Variants in CEP350 observed in about 807,000 individuals in gnomAD.
CEP350 encodes the protein centrosomal protein 350.
CEP350 carries 126 observed loss-of-function variants against 331.8 expected under a neutral mutation model. The ratio of observed to expected loss-of-function variants is 0.38; its 90% CI spans 0.33 to 0.44. The LOEUF (loss-of-function observed/expected upper bound fraction) is 0.44. CEP350 is among the 20% of genes least tolerant of loss of function. The pLI is 1.00. For missense variants in CEP350, 3,406 were observed against 3,634.6 expected, an observed-to-expected ratio of 0.94 and a Z score of 1.62; for synonymous variants, 1,200 against 1,259.5, an observed-to-expected ratio of 0.95 and a Z score of 1.00.
chr1:180,062,255 A>C lies in CEP350; in HGVS notation c.5298A>C (p.Ala1766=). ...AACGTCTTCAAGAAGCCAATAAGGC[A>C]GCTCGGAAGGAAAGACAGCTGATTC... ...EIKRLQEANK[A]ARKERQLILK... is the part of the protein sequence containing the mutation. The change falls in exon 26 of 38, where the codon GCA becomes GCC. Residue 1766 remains alanine (A), a synonymous_variant. Coordinates refer to ENST00000367607, the MANE Select transcript of CEP350 (RefSeq NM_014810.5). 3 of 1,610,442 alleles carry C rather than the reference A, an allele frequency of 1.9e-6. No individual in the cohort carries two copies. Among genetic ancestry groups the C allele is most frequent in the Non-Finnish European group, 2.5e-6 (3 of 1,178,112 alleles).
chr1:180,022,927 G>A (rs1655424299), intron 13 of CEP350, 79 bp downstream of exon 13: 21 of 1,366,804 alleles, frequency 1.5e-5, no homozygotes, highest in Non-Finnish European at 2.0e-5. Context: ...CTGAATATTA[G>A]CCAAGTTTTG....
intron 15 of CEP350, 133 bp from the exon 16 acceptor site, chr1:180,033,729 G>A: frequency 1.2e-6 from 1 of 849,296 alleles, no homozygotes; most frequent in Non-Finnish European, 1.8e-6. Flanking sequence ...TTATATTAAT[G>A]AATAAATGCC....
intron 17 of CEP350, among the ~76,000 whole-genome samples, chr1:180,037,411 G>GGTTTTTTTTTTTT (rs1444222858): frequency 4.3e-5 from 6 of 139,788 alleles, no homozygotes; most frequent in Non-Finnish European, 3.1e-5. Context: ...AATACTGAGG[G>GGTTTTTTTTTTTT]TTTTTTTTTT....
rs544172527 is a variant in CEP350, at chr1:180,094,717, A to T, written c.8511+101A>T. 5 of 1,290,344 alleles carry T rather than the reference A, an allele frequency of 3.9e-6. No individual in the cohort carries two copies. In the African/African-American group the frequency reaches 6.0e-5, roughly 15 times the overall value. The allele number at this position is 1,290,344 out of a possible 1,614,324, so 79.9% of individuals were successfully genotyped here. On this transcript the variant is annotated intron_variant, in intron 34 of 37. Coordinates refer to ENST00000367607, the MANE Select transcript of CEP350 (RefSeq NM_014810.5). ...GTACATTTTAATTCTGTGACTCCTG[A>T]TAGGTTTTTTTTCCCTTGACGTGTT...
At chr1:179,978,252 T>TA (rs892456574) in intron 1 of CEP350, among the ~76,000 whole-genome samples, 8 of 151,584 alleles carry the variant, frequency 5.3e-5, no homozygotes, top group East Asian at 1.9e-4. Flanking sequence ...TCTTTTAAAT[T>TA]AAAAAAAAAT....
At chr1:180,012,493 C>G (rs967634857) in intron 9 of CEP350, among the ~76,000 whole-genome samples, 6 of 152,062 alleles carry the variant, frequency 3.9e-5, no homozygotes. Context: ...TGATTTTTCC[C>G]AAGGGTTATG....
rs1656771705 is a variant in CEP350, at chr1:180,041,740, A to G, written c.4300A>G (p.Ile1434Val). Residue 1434 changes from isoleucine (I) to valine (V), a missense_variant, in exon 19 of 38, where the codon ATA becomes GTA. Ile to Val is a conservative substitution (Grantham distance 29, BLOSUM62 3). Transcript: ENST00000367607. The stretch of plus-strand genomic sequence containing the variant: ...AGTCCTGCAGGAAGCAACGTGTAAA[A>G]TAGCAGCTCAGCAGTCAGAAACTGC... ...TEVLQEATCKIAAQQSETARL... is the reference protein window; with the variant it reads ...TEVLQEATCKVAAQQSETARL... The G allele has an allele frequency of 6.2e-7, 1 of 1,613,406 alleles. No individual in the cohort carries two copies. The highest frequency in any genetic ancestry group is 1.1e-5 in the South Asian group (1 of 90,920).
chr1:179,973,017 A>G (rs1365825304), intron 1 of CEP350, among the ~76,000 whole-genome samples: 1 of 151,400 alleles, frequency 6.6e-6, no homozygotes, highest in Non-Finnish European at 1.5e-5. Context: ...ACAGGCGCCC[A>G]CCACCACACC....
chr1:179,979,787 C>T (rs1652142905), intron 1 of CEP350, among the ~76,000 whole-genome samples: 1 of 152,078 alleles, frequency 6.6e-6, no homozygotes, highest in Non-Finnish European at 1.5e-5. Context: ...TTTCCCAGCA[C>T]TATTTATTGA....
chr1:180,061,396 C>T (rs1277649368), intron 25 of CEP350, among the ~76,000 whole-genome samples: 1 of 152,056 alleles, frequency 6.6e-6, no homozygotes, highest in East Asian at 1.9e-4. Flanking sequence ...GGGGTTTCAC[C>T]ATGTTGCCTA....
At chr1:180,021,389 C>T (rs1023687572) in intron 12 of CEP350, among the ~76,000 whole-genome samples, 1 of 152,114 alleles carries the variant, frequency 6.6e-6, no homozygotes, top group Non-Finnish European at 1.5e-5. Context: ...CGCGGTGGCT[C>T]ATGCCTATAA....
chr1:180,102,387 C>T (rs965916175), intron 37 of CEP350, among the ~76,000 whole-genome samples: 2 of 152,144 alleles, frequency 1.3e-5, no homozygotes, highest in Admixed American at 6.5e-5. Context: ...CCACCTGTCT[C>T]GGCCTCCCAA....
At chr1:180,011,819 T>G (rs1387360429) in intron 8 of CEP350, 110 bp from the exon 9 acceptor site, 1 of 702,212 alleles carries the variant, frequency 1.4e-6, no homozygotes, top group African/African-American at 1.9e-5. Flanking sequence ...GTAAATCTTT[T>G]GACCTTGACA....
chr1:180,073,778 T>C, intron 27 of CEP350: 1 of 1,302,744 alleles, frequency 7.7e-7, no homozygotes, highest in South Asian at 1.2e-5. Context: ...TTCCTCCTTA[T>C]TTTGTAGACA....
intron 25 of CEP350, 40 bp downstream of exon 25, chr1:180,054,542 G>A: frequency 7.0e-7 from 1 of 1,428,862 alleles, no homozygotes; most frequent in East Asian, 2.4e-5. Flanking sequence ...AGCTTATAAG[G>A]CAAGTTAGTT....
chr1:180,050,479 A>G (rs1302364426), intron 22 of CEP350, among the ~76,000 whole-genome samples: 1 of 152,074 alleles, frequency 6.6e-6, no homozygotes, highest in Non-Finnish European at 1.5e-5. Flanking sequence ...CCTGGCCAAC[A>G]TGGTGAAACC....
At chr1:180,024,789 G>C in intron 14 of CEP350, among the ~76,000 whole-genome samples, 1 of 152,118 alleles carries the variant, frequency 6.6e-6, no homozygotes, top group East Asian at 1.9e-4. Context: ...CATTTGCAAT[G>C]ATAAAAAATT....
chr1:180,078,478 A>G lies in CEP350; in HGVS notation c.5783A>G (p.Glu1928Gly). 1 of 1,611,934 alleles carries G rather than the reference A, an allele frequency of 6.2e-7. No individual in the cohort carries two copies. Among genetic ancestry groups the G allele is most frequent in the Non-Finnish European group, 8.5e-7 (1 of 1,178,924 alleles). Residue 1928 changes from glutamate (E) to glycine (G), a missense_variant, in exon 29 of 38, where the codon GAG becomes GGG. Glu to Gly is a moderately conservative substitution (Grantham distance 98). Transcript: ENST00000367607. ...CTCTGTCTAGAAATAGCAAGTGAAG[A>G]GGAATCTCCAGTACCTCTGTACTCT... ...RTEQKEIASE[E>G]ESPVPLYSHL...
In CEP350 at chr1:180,114,257, C is replaced by A. The variant is rs1661580413; in HGVS notation, c.*3096C>A. On this transcript the variant is annotated 3_prime_UTR_variant, in exon 38 of 38. Transcript: ENST00000367607. ...AAAGTGTGTACTCGCAAAAGAATTT[C>A]TGTAGCACAGCATTAGAGACTCATA... 1 of 152,558 alleles carries A rather than the reference C, an allele frequency of 6.6e-6. No homozygotes were observed. Among genetic ancestry groups the A allele is most frequent in the Middle Eastern group, 3.4e-3 (1 of 294 alleles). The allele number at this position is 152,558 out of a possible 1,614,324, so 9.5% of individuals were successfully genotyped here. A position where few individuals can be genotyped will look rare whatever the true frequency, so the allele number is the denominator to read the frequency against.
Sources: allele counts gnomAD v4.1 joint callset (sites outside exome capture counted in the v4.1 genomes callset), GRCh38; gene constraint gnomAD v4.1.1; transcripts MANE v1.5; gene names NCBI Gene and HGNC (gene_info 2026-07-23, HGNC 2026-07-21).